DCAF4: variants seen among roughly 807,000 people sequenced by gnomAD.
DCAF4 encodes DDB1- and CUL4-associated factor 4.
DCAF4 carries 37 observed loss-of-function variants against 60.9 expected under a neutral mutation model. The observed-to-expected ratio is 0.61, with a 90% CI of 0.47 to 0.80. The LOEUF is 0.80. Among genes scored for constraint, DCAF4 ranks in the 30% least tolerant of loss-of-function variants. The probability of loss-of-function intolerance (pLI) is 0.00; values close to 1 mark genes in which losing one functional copy is unlikely to be tolerated. For synonymous variants in DCAF4, 243 were observed against 254.8 expected (o/e 0.95, Z 0.44); for missense variants, 577 against 650.0 (o/e 0.89, Z 1.22).
At chr14:72,941,136 G>A (rs1231095114) in intron 4 of DCAF4, among the ~76,000 whole-genome samples, 1 of 150,804 alleles carries the variant, frequency 6.6e-6, no homozygotes, top group African/African-American at 2.4e-5. Flanking sequence ...GCTAATTTTT[G>A]TATTTTTTTT....
chr14:72,956,162 C>A (rs1033521452), intron 12 of DCAF4, among the ~76,000 whole-genome samples: 2 of 152,112 alleles, frequency 1.3e-5, no homozygotes, highest in African/African-American at 4.8e-5. Context: ...ACCTCATGAT[C>A]TGCCCACCTT....
At chr14:72,948,213 G>C (rs1025019550) in intron 8 of DCAF4, among the ~76,000 whole-genome samples, 2 of 151,956 alleles carry the variant, frequency 1.3e-5, no homozygotes, top group Non-Finnish European at 2.9e-5. Context: ...CAGAGAAAGG[G>C]GTCTTGCCCT....
At chr14:72,936,268 G>A (rs1889252900) in intron 1 of DCAF4, among the ~76,000 whole-genome samples, 1 of 152,084 alleles carries the variant, frequency 6.6e-6, no homozygotes, top group Non-Finnish European at 1.5e-5. Flanking sequence ...CAATGAATAA[G>A]ATAAAAGTTT....
rs1421275388 is a variant in DCAF4, at chr14:72,951,894, C to T, written c.808+17C>T. The stretch of plus-strand genomic sequence containing the variant: ...GTCACCCAGGTACAGGGTTCTCCTC[C>T]TTTAAAGAAATCTGTCCTCTGTCTC... On this transcript the variant is annotated intron_variant, in intron 9 of 13. Transcript: ENST00000358377. 6.2e-7 allele frequency: 1 copy of T among 1,613,820 alleles called. No homozygotes were observed. Among genetic ancestry groups the T allele is most frequent in the Admixed American group, 1.7e-5 (1 of 60,008 alleles).
intron 8 of DCAF4, among the ~76,000 whole-genome samples, chr14:72,950,410 C>T (rs998553744): frequency 1.3e-5 from 2 of 152,096 alleles, no homozygotes; most frequent in Non-Finnish European, 2.9e-5. Flanking sequence ...GCTACATGGC[C>T]ATAGGGCAGA....
In DCAF4 at chr14:72,955,548, G is replaced by A. The variant is rs761101704; in HGVS notation, c.1031G>A (p.Arg344His). 13 of 1,613,996 alleles carry A rather than the reference G, an allele frequency of 8.1e-6. No homozygotes were observed. The highest frequency in any genetic ancestry group is 2.2e-5 in the East Asian group (1 of 44,882). ...LMAPLLFNGC[R>H]SGEIFAIDLR... ...GCTCCTCTGCTGTTTAATGGCTGCC[G>A]CTCTGGGGAAATCTTTGCCATTGAT... Residue 344 changes from arginine to histidine, a missense_variant, in exon 12 of 14, where the codon CGC becomes CAC. Transcript: ENST00000358377.
chr14:72,929,184 G>C (rs1888158277), intron 1 of DCAF4, among the ~76,000 whole-genome samples: 1 of 152,134 alleles, frequency 6.6e-6, no homozygotes, highest in African/African-American at 2.4e-5. Context: ...CTGGAATGGT[G>C]CCCTGGAAGC....
At chr14:72,946,084 A>C in intron 7 of DCAF4, 57 bp downstream of exon 7, 1 of 1,556,242 alleles carries the variant, frequency 6.4e-7, no homozygotes. Flanking sequence ...GTAGTTGGCC[A>C]AATTCAGGGT....
chr14:72,953,017 T>TTTTTTTA (rs1891640225), intron 9 of DCAF4, among the ~76,000 whole-genome samples: 1 of 132,678 alleles, frequency 7.5e-6, no homozygotes, highest in Non-Finnish European at 1.6e-5. Flanking sequence ...TTTTTTTTTT[T>TTTTTTTA]GAGATGGAGT....
At chr14:72,948,754 T>G (rs1891056217) in intron 8 of DCAF4, among the ~76,000 whole-genome samples, 1 of 152,200 alleles carries the variant, frequency 6.6e-6, no homozygotes, top group South Asian at 2.1e-4. Flanking sequence ...TTTGTGCTGC[T>G]TCAGAAGTTC....
At chr14:72,940,591 GTTTTT>G in intron 4 of DCAF4, 4 of 284,496 alleles carry the variant, frequency 1.4e-5, no homozygotes, top group Admixed American at 5.7e-5. Flanking sequence ...TCGATAAGTT[GTTTTT>G]TTTTTTTTTT....
intron 6 of DCAF4, 104 bp from the exon 7 acceptor site, chr14:72,945,779 GA>G: frequency 6.8e-7 from 1 of 1,463,316 alleles, no homozygotes; most frequent in South Asian, 1.3e-5. Context: ...CTCACCTAGT[GA>G]AAATGCACAG....
intron 8 of DCAF4, among the ~76,000 whole-genome samples, chr14:72,949,298 AAAATT>A (rs1567318027): frequency 1.3e-5 from 2 of 152,120 alleles, no homozygotes; most frequent in Admixed American, 1.3e-4. Flanking sequence ...AAATAATAAT[AAAATT>A]CTATTAGCTG....
intron 1 of DCAF4, chr14:72,935,027 C>T (rs1444564410): frequency 6.6e-6 from 1 of 152,182 alleles, no homozygotes; most frequent in Non-Finnish European, 1.5e-5. Flanking sequence ...TTACAGAATT[C>T]ACCTCACGTC....
chr14:72,944,672 G>A (rs1454037823), intron 6 of DCAF4, among the ~76,000 whole-genome samples: 1 of 152,088 alleles, frequency 6.6e-6, no homozygotes, highest in African/African-American at 2.4e-5. Context: ...TGTGCATATA[G>A]TCCCAGCTAC....
chr14:72,942,045 A>T, intron 5 of DCAF4: 1 of 498,098 alleles, frequency 2.0e-6, no homozygotes, highest in Non-Finnish European at 3.6e-6. Flanking sequence ...GCAGGAGGAT[A>T]GGGAGAGAGG....
downstream of DCAF4, chr14:72,961,979 C>A: frequency 3.6e-6 from 4 of 1,120,568 alleles, no homozygotes; most frequent in Non-Finnish European, 4.4e-6. Flanking sequence ...GGAGAGGTCA[C>A]CCACTTCCCT....
At chr14:72,949,688 CAG>C (rs1891171263) in intron 8 of DCAF4, among the ~76,000 whole-genome samples, 1 of 151,990 alleles carries the variant, frequency 6.6e-6, no homozygotes, top group Admixed American at 6.6e-5. Context: ...ACCCGGGAGA[CAG>C]AGGTTGCAGT....
intron 1 of DCAF4, chr14:72,929,496 A>T: frequency 1.5e-6 from 1 of 658,870 alleles, no homozygotes; most frequent in Non-Finnish European, 2.7e-6. Context: ...CAGAAATTCG[A>T]GACCAGCCTG....
Sources: gnomAD v4.1 joint callset for allele counts (sites outside exome capture counted in the v4.1 genomes callset) on GRCh38, gnomAD v4.1.1 for gene constraint, MANE v1.5 for transcripts, NCBI Gene and HGNC (gene_info 2026-07-23, HGNC 2026-07-21) for gene names.